Variants in ACER3 observed in about 807,000 individuals in gnomAD.
ACER3 encodes the protein alkCDase 3.
Under a neutral mutation model 48.9 loss-of-function variants are expected in ACER3, and 16 were observed. That is an observed-to-expected ratio of 0.33 (90% CI 0.22 to 0.50). The LOEUF is 0.50. ACER3 is among the 20% of genes least tolerant of loss of function. The pLI is 0.98. For missense variants in ACER3, 227 were observed against 326.0 expected (o/e 0.70, Z 2.34); for synonymous variants, 109 against 107.8 (o/e 1.01, Z -0.07).
chr11:76,976,189 A>G, intron 3 of ACER3, 100 bp from the exon 4 acceptor site: 1 of 930,886 alleles, frequency 1.1e-6, no homozygotes, highest in Non-Finnish European at 1.7e-6. Flanking sequence ...GCCTGGTCTA[A>G]GAGCTGAAAA....
At chr11:76,876,566 A>G (rs1401814845) in intron 1 of ACER3, among the ~76,000 whole-genome samples, 4 of 152,188 alleles carry the variant, frequency 2.6e-5, no homozygotes, top group Non-Finnish European at 5.9e-5. Context: ...TCATAGGTAA[A>G]TGCTTAGGAT....
intron 1 of ACER3, among the ~76,000 whole-genome samples, chr11:76,867,205 A>T (rs1387270136): frequency 6.6e-6 from 1 of 152,192 alleles, no homozygotes; most frequent in Non-Finnish European, 1.5e-5. Flanking sequence ...ATGGTGGCTC[A>T]TGCCTGTAAT....
chr11:77,001,845 A>G (rs1374222918), intron 7 of ACER3, among the ~76,000 whole-genome samples: 3 of 152,220 alleles, frequency 2.0e-5, no homozygotes, highest in Non-Finnish European at 4.4e-5. Context: ...GCCACATATA[A>G]TAAAATATCA....
chr11:76,957,534 C>T (rs993314935), intron 2 of ACER3: 1 of 443,430 alleles, frequency 2.3e-6, no homozygotes, highest in East Asian at 7.1e-5. Context: ...ACCTCCATTT[C>T]CCAGGTTTAC....
chr11:76,919,955 TTCATTGCA>T (rs1946643173), intron 1 of ACER3, among the ~76,000 whole-genome samples: 1 of 152,222 alleles, frequency 6.6e-6, no homozygotes, highest in African/African-American at 2.4e-5. Context: ...GAGTTCAACA[TTCATTGCA>T]TGGTTGGTGA....
intron 5 of ACER3, 57 bp from the exon 6 acceptor site, chr11:76,990,482 T>G: frequency 9.0e-5 from 109 of 1,211,878 alleles, no homozygotes; most frequent in Non-Finnish European, 1.2e-4. Context: ...TTGGAGTCGG[T>G]TTTTCCCCCC....
intron 7 of ACER3, among the ~76,000 whole-genome samples, chr11:77,004,157 G>A (rs1949087396): frequency 1.3e-5 from 2 of 152,154 alleles, no homozygotes; most frequent in African/African-American, 4.8e-5. Context: ...ACTCAGCAAA[G>A]CTGTTATACT....
chr11:76,961,083 GAGA>G (rs1188657137), intron 3 of ACER3, among the ~76,000 whole-genome samples: 1 of 152,134 alleles, frequency 6.6e-6, no homozygotes, highest in Non-Finnish European at 1.5e-5. Flanking sequence ...TGAATTGAGT[GAGA>G]AGGGCATTGC....
chr11:76,904,835 C>CTG, intron 1 of ACER3, among the ~76,000 whole-genome samples: 1 of 138,284 alleles, frequency 7.2e-6, no homozygotes, highest in South Asian at 2.1e-4. Context: ...TGTCTTTTCT[C>CTG]TATGTATGTG....
At chr11:76,927,729 G>A (rs535478220) in intron 2 of ACER3, among the ~76,000 whole-genome samples, 71 of 152,004 alleles carry the variant, frequency 4.7e-4, no homozygotes, top group African/African-American at 1.7e-3. Flanking sequence ...TTGGCCTTGC[G>A]ATAGTTTGCT....
At chr11:76,992,026 G>A (rs568442500) in intron 6 of ACER3, among the ~76,000 whole-genome samples, 50 of 151,448 alleles carry the variant, frequency 3.3e-4, no homozygotes, top group South Asian at 2.7e-3. Flanking sequence ...CCAGGAGTTC[G>A]AGACTAACCT....
At chr11:76,867,006 A>G (rs1945106494) in intron 1 of ACER3, among the ~76,000 whole-genome samples, 1 of 152,120 alleles carries the variant, frequency 6.6e-6, no homozygotes, top group Non-Finnish European at 1.5e-5. Flanking sequence ...GGTTACTTCT[A>G]CCTCTTGGCT....
At chr11:76,947,776 A>G (rs1170839653) in intron 2 of ACER3, among the ~76,000 whole-genome samples, 1 of 152,242 alleles carries the variant, frequency 6.6e-6, no homozygotes, top group Non-Finnish European at 1.5e-5. Flanking sequence ...TCCAACAGAA[A>G]TAATATTTTT....
In ACER3 at chr11:76,884,364, G is replaced by T. The variant is rs142152173; in HGVS notation, c.103+23285G>T. 4.4e-3 allele frequency among the ~76,000 whole-genome samples: 674 copies of T among 152,204 alleles called. 9 individuals carry two copies. Among genetic ancestry groups the T allele is most frequent in the African/African-American group, 0.015 (641 of 41,530 alleles). On this transcript the variant is annotated intron_variant, in intron 1 of 10. Transcript: ENST00000532485. The stretch of plus-strand genomic sequence containing the variant: ...TACCTAGTTGTTCAATGCCTGAAAA[G>T]AATTTTTTCATAGCATTTGCCCTCT...
At chr11:76,901,310 C>A (rs1019613246) in intron 1 of ACER3, among the ~76,000 whole-genome samples, 3 of 151,352 alleles carry the variant, frequency 2.0e-5, no homozygotes, top group Non-Finnish European at 1.5e-5. Context: ...TCCTTACTAA[C>A]AAGATACTTC....
intron 1 of ACER3, among the ~76,000 whole-genome samples, chr11:76,864,513 A>G (rs963380581): frequency 1.3e-5 from 2 of 150,394 alleles, no homozygotes; most frequent in Non-Finnish European, 1.5e-5. Flanking sequence ...GAAATAAACT[A>G]TTTTGTTTAT....
chr11:76,915,432 G>A lies in ACER3; in HGVS notation c.104-11125G>A, dbSNP rs556008749. Among the ~76,000 whole-genome samples, 411 of 151,610 alleles carry A rather than the reference G, an allele frequency of 2.7e-3. 2 individuals carry two copies. Among genetic ancestry groups the A allele is most frequent in the Non-Finnish European group, 4.8e-3 (324 of 67,926 alleles). ...GCTTTCTTCCCTTTTCTGGTGGAGC[G>A]TACCCACCCCCCCGAGATCGTACTT... On this transcript the variant is annotated intron_variant, in intron 1 of 10. Transcript: ENST00000532485.
intron 1 of ACER3, among the ~76,000 whole-genome samples, chr11:76,888,914 A>G (rs1390157972): frequency 6.6e-6 from 1 of 152,224 alleles, no homozygotes; most frequent in African/African-American, 2.4e-5. Flanking sequence ...CACTTTAGAT[A>G]TCTGTGTTTC....
intron 1 of ACER3, among the ~76,000 whole-genome samples, chr11:76,881,557 C>A (rs1454438736): frequency 6.6e-6 from 1 of 152,096 alleles, no homozygotes; most frequent in Non-Finnish European, 1.5e-5. Context: ...ACTTCATGGA[C>A]CACTTCATGA....
Sources: allele counts gnomAD v4.1 joint callset (sites outside exome capture counted in the v4.1 genomes callset), GRCh38; gene constraint gnomAD v4.1.1; transcripts MANE v1.5; gene names NCBI Gene and HGNC (gene_info 2026-07-23, HGNC 2026-07-21).